ARRDC1: variants seen among roughly 807,000 people sequenced by gnomAD.
ARRDC1 encodes the protein arrestin domain containing 1.
Under a neutral mutation model 40.1 loss-of-function variants are expected in ARRDC1, and 37 were observed. The ratio of observed to expected loss-of-function variants is 0.92; its 90% confidence interval spans 0.71 to 1.21. The LOEUF (loss-of-function observed/expected upper bound fraction) is 1.21, where lower values mean the gene tolerates loss of function less well. Among genes scored for constraint, ARRDC1 ranks in the 50% most tolerant of loss-of-function variants. The pLI is 0.00. For missense variants in ARRDC1, 641 were observed against 581.9 expected (o/e 1.10, Z -1.04); for synonymous variants, 310 against 262.5 (o/e 1.18, Z -1.75).
intron 5 of ARRDC1, 35 bp from the exon 6 acceptor site, chr9:137,614,264 A>C (rs1470136156): frequency 6.3e-7 from 1 of 1,576,982 alleles, no homozygotes; most frequent in African/African-American, 1.3e-5. Context: ...GTGGGCTGGC[A>C]GCCTGCGCAG....
intron 1 of ARRDC1, among the ~76,000 whole-genome samples, chr9:137,611,021 A>G (rs1588986559): frequency 6.6e-6 from 1 of 152,320 alleles, no homozygotes; most frequent in East Asian, 1.9e-4. Flanking sequence ...GCGGGATTCA[A>G]GGTGGGGATG....
At chr9:137,612,523 C>G (rs961045234) in intron 1 of ARRDC1, 2 of 250,002 alleles carry the variant, frequency 8.0e-6, no homozygotes, top group Admixed American at 5.5e-5. Flanking sequence ...CAAGAAGATG[C>G]GCCCCTTGGT....
intron 1 of ARRDC1, among the ~76,000 whole-genome samples, chr9:137,610,003 C>G (rs112671121): frequency 6.6e-6 from 1 of 151,590 alleles, no homozygotes; most frequent in African/African-American, 2.4e-5. Flanking sequence ...TTAGTAGAGA[C>G]GGGGGTTTCA....
rs1265499228 is a variant in ARRDC1, at chr9:137,605,726, A to G, written c.9A>G (p.Arg3=). MG[R]VQLFEISLSH... is the part of the protein sequence containing the mutation. The stretch of plus-strand genomic sequence containing the variant: ...GCCGGTGAGGCCGCGGCATGGGGCG[A>G]GTGCAGCTCTTCGAGATCAGCCTGA... The change falls in exon 1 of 8, where the codon CGA becomes CGG. Residue 3 remains arginine (R), a synonymous_variant. Coordinates refer to ENST00000371421, the MANE Select transcript of ARRDC1 (RefSeq NM_152285.4). The G allele has an allele frequency of 1.4e-6, 2 of 1,380,948 alleles. No individual in the cohort carries two copies. The highest frequency in any genetic ancestry group is 1.9e-6 in the Non-Finnish European group (2 of 1,064,134). 85.5% of individuals were successfully genotyped at this position (1,380,948 alleles called of 1,614,324 possible). A position where few individuals can be genotyped will look rare whatever the true frequency, so the allele number is the denominator to read the frequency against.
intron 1 of ARRDC1, among the ~76,000 whole-genome samples, chr9:137,606,955 G>T (rs1842434230): frequency 6.6e-6 from 1 of 152,228 alleles, no homozygotes; most frequent in Admixed American, 6.5e-5. Context: ...GGACGGCCCC[G>T]CGGTGCGTGA....
intron 1 of ARRDC1, among the ~76,000 whole-genome samples, chr9:137,606,400 C>T (rs900309510): frequency 1.3e-5 from 2 of 152,172 alleles, no homozygotes; most frequent in Non-Finnish European, 2.9e-5. Flanking sequence ...GTGAGGCTGC[C>T]TCTGCCCGGC....
Position 137,614,207 on chromosome 9 carries a change from T to C in ARRDC1, c.611T>C (p.Leu204Pro). The C allele has an allele frequency of 6.3e-7, 1 of 1,595,286 alleles. No individual in the cohort carries two copies. Among genetic ancestry groups the C allele is most frequent in the Non-Finnish European group, 8.6e-7 (1 of 1,167,296 alleles). ...GKDTSPVVAS[L>P]LQKVSYKAKR... ...GACACCAGCCCTGTGGTGGCCAGTC[T>C]GCTGCAGGTCAGAGCCCCCGCCAGT... The change falls in exon 5 of 8, where the codon CTG (leucine) becomes CCG (proline). Residue 204 changes from leucine to proline, a missense_variant. Physicochemically the swap from Leu to Pro is moderately conservative, Grantham distance 98 (BLOSUM62 -3). Transcript: ENST00000371421.
Position 137,612,876 on chromosome 9 carries a change from T to G in ARRDC1, c.119-20T>G. 1 of 1,598,730 alleles carries G rather than the reference T, an allele frequency of 6.3e-7. No homozygotes were observed. The highest frequency in any genetic ancestry group is 8.6e-7 in the Non-Finnish European group (1 of 1,167,448). On this transcript the variant is annotated intron_variant, in intron 1 of 7. Transcript: ENST00000371421. ...TGGGCCGTCGGCTGGCTGGGGCTCA[T>G]GCAGCCATCCCCTTTGCAGCCATCC...
At position 137,614,750 on chromosome 9, in the gene ARRDC1, G is replaced by C. The variant is rs113075609; in HGVS notation, c.987G>C (p.Leu329Phe). The C allele has an allele frequency of 9.3e-6, 15 of 1,609,188 alleles. 1 individual carries two copies. In the African/African-American group the frequency reaches 1.1e-4, roughly 11 times the overall value. Reference protein sequence around the residue: ...AEAAAGGPHFLDPVFLSTKSH... With the variant: ...AEAAAGGPHFFDPVFLSTKSH... Reference sequence around the variant, plus strand: ...CTGCGGCTGGCGGCCCCCACTTCTTGGACCCCGTCTTCCTCTCCACCAAGA... The same window carrying C: ...CTGCGGCTGGCGGCCCCCACTTCTTCGACCCCGTCTTCCTCTCCACCAAGA... The change falls in exon 7 of 8, where the codon TTG becomes TTC. Residue 329 changes from leucine to phenylalanine, a missense_variant. Leu to Phe is a conservative substitution (Grantham distance 22). Coordinates refer to ENST00000371421, the MANE Select transcript of ARRDC1 (RefSeq NM_152285.4).
chr9:137,606,720 C>T (rs1842429638), intron 1 of ARRDC1, among the ~76,000 whole-genome samples: 1 of 152,168 alleles, frequency 6.6e-6, no homozygotes, highest in Non-Finnish European at 1.5e-5. Flanking sequence ...ACTGGGCCTC[C>T]TGGGATGACC....
At position 137,614,019 on chromosome 9, in the gene ARRDC1, C is replaced by T. The variant is rs200199375; in HGVS notation, c.436-13C>T. 873 of 1,613,126 alleles carry T rather than the reference C, an allele frequency of 5.4e-4. 1 individual carries two copies. Among genetic ancestry groups the T allele is most frequent in the Non-Finnish European group, 4.8e-4 (568 of 1,179,720 alleles). ...GCACACCTGCTAAGCCCCTCCCTGG[C>T]CCTCCCCCCAAGCAACCCAACGTGG... On this transcript the variant is annotated splice_polypyrimidine_tract_variant and intron_variant, in intron 4 of 7. Coordinates refer to ENST00000371421, the MANE Select transcript of ARRDC1 (RefSeq NM_152285.4).
intron 1 of ARRDC1, chr9:137,612,656 T>C (rs1287165470): frequency 6.3e-6 from 3 of 473,856 alleles, no homozygotes; most frequent in South Asian, 4.9e-5. Context: ...CTGCTCTGGA[T>C]TGCAGGGCAG....
At chr9:137,608,838 G>A (rs1326854726) in intron 1 of ARRDC1, among the ~76,000 whole-genome samples, 3 of 152,190 alleles carry the variant, frequency 2.0e-5, no homozygotes, top group Admixed American at 6.5e-5. Flanking sequence ...CTCGGGACAG[G>A]TTTCACTTTG....
At chr9:137,607,229 C>G (rs951607981) in intron 1 of ARRDC1, among the ~76,000 whole-genome samples, 2 of 152,210 alleles carry the variant, frequency 1.3e-5, no homozygotes, top group Middle Eastern at 3.2e-3. Context: ...CCGGGGCCCC[C>G]GGGGGTTTCC....
Position 137,612,994 on chromosome 9 carries a change from C to A in ARRDC1, c.217C>A (p.Leu73Met). The part of the protein sequence containing the change: ...EEGYFNSSLS[L>M]ADKGSLPAGE... Reference sequence around the variant, plus strand: ...GGGTTACTTCAACAGTTCCCTGTCGCTGGCAGACAAGGGTAAGTTTGGGAG... The same window carrying A: ...GGGTTACTTCAACAGTTCCCTGTCGATGGCAGACAAGGGTAAGTTTGGGAG... Residue 73 changes from leucine to methionine, a missense_variant, in exon 2 of 8, where the codon CTG becomes ATG. Leu to Met is a conservative substitution (Grantham distance 15, BLOSUM62 2). Transcript: ENST00000371421. 1 of 1,613,726 alleles carries A rather than the reference C, an allele frequency of 6.2e-7. No homozygotes were observed. The highest frequency in any genetic ancestry group is 8.5e-7 in the Non-Finnish European group (1 of 1,179,692).
chr9:137,614,819 G>A lies in ARRDC1; in HGVS notation c.1056G>A (p.Val352=), dbSNP rs1842635756. ...CCCTGCTGGCCACCTTGAGTTCTGTGCCTGGTGCGCCGGAGCCCTGCCCTC... is the reference window on the plus strand; with the variant it reads ...CCCTGCTGGCCACCTTGAGTTCTGTACCTGGTGCGCCGGAGCCCTGCCCTC... The part of the protein sequence containing the change: ...RQPLLATLSS[V]PGAPEPCPQD... The change falls in exon 7 of 8, where the codon GTG becomes GTA. Residue 352 remains valine, a synonymous_variant. Coordinates refer to ENST00000371421, the MANE Select transcript of ARRDC1 (RefSeq NM_152285.4). The A allele has an allele frequency of 6.2e-7, 1 of 1,613,116 alleles. No homozygotes were observed. Among genetic ancestry groups the A allele is most frequent in the Non-Finnish European group, 8.5e-7 (1 of 1,179,870 alleles).
chr9:137,615,172 C>G lies in ARRDC1; in HGVS notation c.*34C>G. On this transcript the variant is annotated 3_prime_UTR_variant, in exon 8 of 8. Transcript: ENST00000371421. ...TGCCTTCTCCAGGCAGGCCTGGCCT[C>G]TGCCCTGGGACTGGGGCGCCCAGGG... 1 of 1,501,724 alleles carries G rather than the reference C, an allele frequency of 6.7e-7. No individual in the cohort carries two copies. Among genetic ancestry groups the G allele is most frequent in the Non-Finnish European group, 8.9e-7 (1 of 1,126,962 alleles). The allele number at this position is 1,501,724 out of a possible 1,614,324, so 93.0% of individuals were successfully genotyped here. A position where few individuals can be genotyped will look rare whatever the true frequency, so the allele number is the denominator to read the frequency against.
chr9:137,612,315 G>A (rs528117129), intron 1 of ARRDC1: 198 of 156,778 alleles, frequency 1.3e-3, no homozygotes, highest in Non-Finnish European at 1.3e-3. Context: ...GGACTGAGCC[G>A]TCTCCTGATG....
chr9:137,610,528 T>C (rs1247113447), intron 1 of ARRDC1, among the ~76,000 whole-genome samples: 1 of 152,170 alleles, frequency 6.6e-6, no homozygotes, highest in Non-Finnish European at 1.5e-5. Flanking sequence ...CCCAAGTAGC[T>C]GGGATTACAG....
Sources: gnomAD v4.1 joint callset for allele counts (sites outside exome capture counted in the v4.1 genomes callset) on GRCh38, gnomAD v4.1.1 for gene constraint, MANE v1.5 for transcripts, NCBI Gene and HGNC (gene_info 2026-07-23, HGNC 2026-07-21) for gene names.